The following LSAMP variants were observed in gnomAD, a reference collection of about 807,000 sequenced individuals.
The protein encoded by LSAMP is limbic system-associated membrane protein.
A neutral mutation model predicts 38.6 loss-of-function variants in LSAMP; 7 were observed. The observed-to-expected ratio is 0.18, with a 90% CI of 0.10 to 0.34. The LOEUF (loss-of-function observed/expected upper bound fraction) is 0.34. LSAMP is among the 10% of genes least tolerant of loss of function. The probability of loss-of-function intolerance (pLI) is 1.00; values close to 1 mark genes in which losing one functional copy is unlikely to be tolerated. For missense variants in LSAMP, 313 were observed against 420.0 expected (o/e 0.75, Z 2.23); for synonymous variants, 154 against 166.8 (o/e 0.92, Z 0.59).
At chr3:116,285,885 C>T (rs935713774) in intron 1 of LSAMP, among the ~76,000 whole-genome samples, 13 of 152,022 alleles carry the variant, frequency 8.6e-5, no homozygotes, top group African/African-American at 2.4e-4. Flanking sequence ...TGGGAGACAG[C>T]GAAACTATGT....
chr3:116,149,756 A>G (rs1378617926), intron 1 of LSAMP, among the ~76,000 whole-genome samples: 1 of 151,936 alleles, frequency 6.6e-6, no homozygotes, highest in Non-Finnish European at 1.5e-5. Context: ...CTTTGTTGTA[A>G]TGGTGATGTA....
intron 1 of LSAMP, among the ~76,000 whole-genome samples, chr3:116,207,154 T>G (rs914091052): frequency 6.6e-6 from 1 of 152,040 alleles, no homozygotes; most frequent in Non-Finnish European, 1.5e-5. Context: ...TTTACCATTA[T>G]GTAATGGCCT....
intron 1 of LSAMP, among the ~76,000 whole-genome samples, chr3:116,219,288 T>A (rs2046255348): frequency 6.6e-6 from 1 of 152,328 alleles, no homozygotes; most frequent in South Asian, 2.1e-4. Context: ...GAATCTCCTT[T>A]TTAAAGGCTG....
At chr3:115,828,355 T>G (rs1934495279) in intron 6 of LSAMP, among the ~76,000 whole-genome samples, 2 of 152,284 alleles carry the variant, frequency 1.3e-5, no homozygotes, top group African/African-American at 2.4e-5. Flanking sequence ...GTTTGTTTGT[T>G]TATTTGTTTC....
At position 115,810,215 on chromosome 3, in the gene LSAMP, T is replaced by TC. The variant is rs1933772923; in HGVS notation, c.*101dup. 1.4e-6 allele frequency: 1 copy of TC among 727,638 alleles called. No individual in the cohort carries two copies. The allele number at this position is 727,638 out of a possible 1,614,324, so 45.1% of individuals were successfully genotyped here. A position where few individuals can be genotyped will look rare whatever the true frequency, so the allele number is the denominator to read the frequency against. On this transcript the variant is annotated 3_prime_UTR_variant, in exon 7 of 7. Coordinates refer to ENST00000490035, the MANE Select transcript of LSAMP (RefSeq NM_002338.5). Reference sequence around the variant, plus strand: ...ACACAAAGTTGTGAAATAAACGGTCTCCCCCATCTCTCTCTCTCTCTCTCT... The same window carrying TC: ...ACACAAAGTTGTGAAATAAACGGTCTCCCCCCATCTCTCTCTCTCTCTCTCT...
intron 1 of LSAMP, among the ~76,000 whole-genome samples, chr3:116,232,231 T>A (rs1334002679): frequency 1.3e-5 from 2 of 152,168 alleles, no homozygotes; most frequent in East Asian, 1.9e-4. Context: ...AAATGAGTCC[T>A]CCAAATTCTA....
chr3:116,350,625 C>T (rs2048125233), intron 1 of LSAMP, among the ~76,000 whole-genome samples: 1 of 136,098 alleles, frequency 7.3e-6, no homozygotes, highest in African/African-American at 2.9e-5. Context: ...GTCAAGGAAC[C>T]TTTTTTTTTT....
chr3:115,954,274 A>G (rs1468283115), intron 3 of LSAMP, among the ~76,000 whole-genome samples: 1 of 152,094 alleles, frequency 6.6e-6, no homozygotes, highest in African/African-American at 2.4e-5. Flanking sequence ...TTTACTGTGG[A>G]TAGCCTACAT....
At chr3:116,046,442 T>C (rs1941290578) in intron 2 of LSAMP, among the ~76,000 whole-genome samples, 1 of 152,172 alleles carries the variant, frequency 6.6e-6, no homozygotes, top group South Asian at 2.1e-4. Context: ...GCAGAGCAAT[T>C]GTTCCTGCAC....
intron 1 of LSAMP, among the ~76,000 whole-genome samples, chr3:116,413,162 C>T (rs1032301778): frequency 2.0e-5 from 3 of 151,794 alleles, no homozygotes; most frequent in Admixed American, 1.3e-4. Context: ...TAAGATTATA[C>T]CATTAAAACC....
Position 116,108,316 on chromosome 3 carries a change from TA to T in LSAMP, c.156-21761del, listed in dbSNP as rs548785557. On this transcript the variant is annotated intron_variant, in intron 1 of 6. Coordinates refer to ENST00000490035, the MANE Select transcript of LSAMP (RefSeq NM_002338.5). Reference sequence around the variant, plus strand: ...AATAAGGGAACTGGGCAGGTGGGGATAACTAAAAAGGAGTGCTTAAAAGAGT... The same window carrying T: ...AATAAGGGAACTGGGCAGGTGGGGATACTAAAAAGGAGTGCTTAAAAGAGT... Among the ~76,000 whole-genome samples the T allele has an allele frequency of 1.0e-3, 152 of 146,280 alleles. 4 individuals carry two copies. The South Asian group carries it at 0.031, about 30-fold the overall frequency.
intron 6 of LSAMP, among the ~76,000 whole-genome samples, chr3:115,829,914 C>A (rs780774043): frequency 6.6e-6 from 1 of 152,062 alleles, no homozygotes; most frequent in Non-Finnish European, 1.5e-5. Flanking sequence ...AGTATACCTG[C>A]AAATATCAGT....
chr3:116,423,170 A>T (rs2049151594), intron 1 of LSAMP, among the ~76,000 whole-genome samples: 1 of 152,228 alleles, frequency 6.6e-6, no homozygotes, highest in African/African-American at 2.4e-5. Flanking sequence ...TAAGCAAATT[A>T]GTTTCGTGTA....
intron 3 of LSAMP, among the ~76,000 whole-genome samples, chr3:115,950,074 G>A (rs1466252350): frequency 3.9e-5 from 6 of 152,050 alleles, no homozygotes; most frequent in Non-Finnish European, 8.8e-5. Flanking sequence ...GCCATAGAAA[G>A]GACATAGCTC....
At chr3:115,871,780 T>C (rs994613465) in intron 3 of LSAMP, among the ~76,000 whole-genome samples, 3 of 152,096 alleles carry the variant, frequency 2.0e-5, no homozygotes, top group Non-Finnish European at 4.4e-5. Context: ...TAAACCTCCA[T>C]GCAAATGAGC....
chr3:115,872,128 T>C (rs1936057702), intron 3 of LSAMP, among the ~76,000 whole-genome samples: 1 of 152,052 alleles, frequency 6.6e-6, no homozygotes, highest in Non-Finnish European at 1.5e-5. Context: ...GCTCTGAAAA[T>C]GAGTGAATTA....
At chr3:115,850,297 C>T (rs1401685516) in intron 4 of LSAMP, among the ~76,000 whole-genome samples, 2 of 152,128 alleles carry the variant, frequency 1.3e-5, no homozygotes, top group Non-Finnish European at 2.9e-5. Flanking sequence ...CAATCCAGAC[C>T]ACTTTGATGT....
At chr3:116,196,009 T>G (rs1289302447) in intron 1 of LSAMP, among the ~76,000 whole-genome samples, 6 of 152,226 alleles carry the variant, frequency 3.9e-5, no homozygotes, top group African/African-American at 1.4e-4. Context: ...AATGAGCTAG[T>G]AATTGTTTGA....
chr3:116,389,332 G>A lies in LSAMP; in HGVS notation c.155+55545C>T, dbSNP rs201466063. Among the ~76,000 whole-genome samples, 426 of 152,214 alleles carry A rather than the reference G, an allele frequency of 2.8e-3. 1 individual carries two copies. Among genetic ancestry groups the A allele is most frequent in the Non-Finnish European group, 5.0e-3 (343 of 68,022 alleles). On this transcript the variant is annotated intron_variant, in intron 1 of 6. Coordinates refer to ENST00000490035, the MANE Select transcript of LSAMP (RefSeq NM_002338.5). ...AGGTGCTAGTCTGTATGGGAGAGTCGTGTTAAGAACAGAAAAGATGCTGTC... is the reference window on the plus strand; with the variant it reads ...AGGTGCTAGTCTGTATGGGAGAGTCATGTTAAGAACAGAAAAGATGCTGTC...
Sources: allele counts gnomAD v4.1 joint callset (sites outside exome capture counted in the v4.1 genomes callset), GRCh38; gene constraint gnomAD v4.1.1; transcripts MANE v1.5; gene names NCBI Gene and HGNC (gene_info 2026-07-23, HGNC 2026-07-21).